The following CA12 variants were observed in gnomAD, a reference collection of about 807,000 sequenced individuals.
The protein encoded by CA12 is carbonic anhydrase 12.
Under a neutral mutation model 46.8 loss-of-function variants are expected in CA12, and 36 were observed. The observed-to-expected ratio is 0.77, with a 90% CI of 0.59 to 1.02. The LOEUF is 1.02. Among genes scored for constraint, CA12 ranks in the 50% least tolerant of loss-of-function variants. The pLI is 0.00. For missense variants in CA12, 436 were observed against 451.4 expected, an observed-to-expected ratio of 0.97 and a Z score of 0.31; for synonymous variants, 202 against 187.0, an observed-to-expected ratio of 1.08 and a Z score of -0.65.
chr15:63,345,379 G>T lies in CA12; in HGVS notation c.429+98C>A. The T allele has an allele frequency of 1.3e-6, 2 of 1,499,524 alleles. No homozygotes were observed. Among genetic ancestry groups the T allele is most frequent in the Non-Finnish European group, 1.8e-6 (2 of 1,100,008 alleles). The allele number at this position is 1,499,524 out of a possible 1,614,324, so 92.9% of individuals were successfully genotyped here. A position where few individuals can be genotyped will look rare whatever the true frequency, so the allele number is the denominator to read the frequency against. On this transcript the variant is annotated intron_variant, in intron 4 of 10. Coordinates refer to ENST00000178638, the MANE Select transcript of CA12 (RefSeq NM_001218.5). The surrounding 1 kb of genome is among the most constrained non-coding windows in gnomAD (Gnocchi z 4.3). The stretch of plus-strand genomic sequence containing the variant: ...GGGGCAGAGAGCCTGAAGGCAGCCT[G>T]TCCCATGCTCTGGTGTTATCTGCAC...
chr15:63,350,588 G>A (rs538993581), intron 2 of CA12, among the ~76,000 whole-genome samples: 1 of 152,198 alleles, frequency 6.6e-6, no homozygotes, highest in Non-Finnish European at 1.5e-5. Flanking sequence ...CTGTCTATGT[G>A]TTTTTCCTGC....
chr15:63,365,059 C>T (rs28442071), intron 2 of CA12, among the ~76,000 whole-genome samples: 7,028 of 152,282 alleles, frequency 0.046, 264 homozygotes, highest in African/African-American at 0.11. Context: ...GTGATCCTCC[C>T]ACCTCAGCCT....
In CA12 at chr15:63,372,667, T is replaced by C. The variant is rs1052735923; in HGVS notation, c.106+2991A>G. ...GGAAGCCGTTTCCCTCCAGCACTTA[T>C]GCTGGGCCCTCTGTCTACCTGTGCA... On this transcript the variant is annotated intron_variant, in intron 2 of 10. Coordinates refer to ENST00000178638, the MANE Select transcript of CA12 (RefSeq NM_001218.5). This position sits in a 1 kb window ranked among gnomAD's most constrained non-coding sequence, Gnocchi z 4.5. Among the ~76,000 whole-genome samples, 2 of 152,182 alleles carry C rather than the reference T, an allele frequency of 1.3e-5. No homozygotes were observed. Among genetic ancestry groups the C allele is most frequent in the Admixed American group, 6.5e-5 (1 of 15,280 alleles).
chr15:63,360,023 C>T (rs924082229), intron 2 of CA12, among the ~76,000 whole-genome samples: 3 of 152,254 alleles, frequency 2.0e-5, no homozygotes, highest in Admixed American at 2.0e-4. Flanking sequence ...TTTCCCCACT[C>T]ATCACCTGTC....
chr15:63,340,272 C>G lies in CA12; in HGVS notation c.747+16G>C, dbSNP rs372331206. On this transcript the variant is annotated intron_variant, in intron 7 of 10. Transcript: ENST00000178638. The surrounding 1 kb of genome is among the most constrained non-coding windows in gnomAD (Gnocchi z 4.4). ...GGTGCCGCGTGGACTCTGGCTGAGT[C>G]TGGCACGACAGTTACCTGCTCCTGG... 100 of 1,613,934 alleles carry G rather than the reference C, an allele frequency of 6.2e-5. 1 individual carries two copies. The highest frequency in any genetic ancestry group is 8.0e-5 in the Non-Finnish European group (94 of 1,180,016).
chr15:63,331,264 A>G lies in CA12; in HGVS notation c.875-3134T>C, dbSNP rs4984241. On this transcript the variant is annotated intron_variant, in intron 8 of 10. Coordinates refer to ENST00000178638, the MANE Select transcript of CA12 (RefSeq NM_001218.5). This position sits in a 1 kb window ranked among gnomAD's most constrained non-coding sequence, Gnocchi z 5.3. ...CTGTCAGGGCAACCAGAGAACTAGA[A>G]CCTGAGTGCGAAGCCAAAGCCTGTT... Among the ~76,000 whole-genome samples the G allele has an allele frequency of 0.53, 80,555 of 152,032 alleles. 22,211 individuals are homozygous for G. Among genetic ancestry groups the G allele is most frequent in the Non-Finnish European group, 0.62 (42,432 of 67,964 alleles).
rs1272969387 is a variant in CA12, at chr15:63,359,778, C to T, written c.107-13069G>A. 2.6e-5 allele frequency among the ~76,000 whole-genome samples: 4 copies of T among 152,092 alleles called. No homozygotes were observed. In the East Asian group the frequency reaches 7.7e-4, roughly 29 times the overall value. On this transcript the variant is annotated intron_variant, in intron 2 of 10. Transcript: ENST00000178638. The stretch of plus-strand genomic sequence containing the variant: ...GTATGAAGTTTGTTTTAAACTTGAC[C>T]GCCACTCTCCCAACTGGCACAGCCC...
At position 63,340,367 on chromosome 15, in the gene CA12, C is replaced by G; in HGVS notation, c.668G>C (p.Gly223Ala). The change falls in exon 7 of 11, where the codon GGG (glycine) becomes GCG (alanine). Residue 223 changes from glycine to alanine, a missense_variant. Gly to Ala is a moderately conservative substitution (Grantham distance 60, BLOSUM62 0). Transcript: ENST00000178638. This position sits in a 1 kb window ranked among gnomAD's most constrained non-coding sequence, Gnocchi z 4.4. ...ERTAEYYRYR[G>A]SLTTPPCNPT... The stretch of plus-strand genomic sequence containing the variant: ...GTTGCAAGGGGGTGTGGTCAGGGAC[C>G]CCCGGTAGCGGTAATATTCAGCGGT... 2 of 1,614,108 alleles carry G rather than the reference C, an allele frequency of 1.2e-6. No homozygotes were observed. The highest frequency in any genetic ancestry group is 1.6e-4 in the Middle Eastern group (1 of 6,062).
At chr15:63,351,596 C>T (rs1453404151) in intron 2 of CA12, among the ~76,000 whole-genome samples, 19 of 152,198 alleles carry the variant, frequency 1.2e-4, no homozygotes, top group Admixed American at 1.2e-3. Context: ...ACAGGCTATG[C>T]CAACCCACCT....
chr15:63,347,213 T>G (rs2152618687), intron 2 of CA12, among the ~76,000 whole-genome samples: 1 of 152,330 alleles, frequency 6.6e-6, no homozygotes, highest in East Asian at 1.9e-4. Flanking sequence ...AAGTATTATC[T>G]TGGTGCAAAA....
At chr15:63,356,601 C>A (rs1180638634) in intron 2 of CA12, among the ~76,000 whole-genome samples, 1 of 150,918 alleles carries the variant, frequency 6.6e-6, no homozygotes, top group Non-Finnish European at 1.5e-5. Flanking sequence ...TCGCTCACTG[C>A]AACCTCTGCC....
chr15:63,358,029 A>C (rs1477896295), intron 2 of CA12, among the ~76,000 whole-genome samples: 1 of 152,250 alleles, frequency 6.6e-6, no homozygotes, highest in Non-Finnish European at 1.5e-5. Flanking sequence ...ATGCCTTTTT[A>C]TGATGGCATA....
chr15:63,363,782 A>G (rs2152623934), intron 2 of CA12, among the ~76,000 whole-genome samples: 1 of 152,364 alleles, frequency 6.6e-6, no homozygotes, highest in Non-Finnish European at 1.5e-5. Flanking sequence ...AGGGCATAAC[A>G]AGTTTTCTGA....
At chr15:63,352,886 A>C (rs2039251462) in intron 2 of CA12, among the ~76,000 whole-genome samples, 1 of 152,226 alleles carries the variant, frequency 6.6e-6, no homozygotes, top group African/African-American at 2.4e-5. Flanking sequence ...ATACACATTT[A>C]ATAAGATGGA....
intron 8 of CA12, among the ~76,000 whole-genome samples, chr15:63,335,898 G>A (rs1357068444): frequency 6.6e-6 from 1 of 152,230 alleles, no homozygotes; most frequent in Admixed American, 6.5e-5. Flanking sequence ...GGCAGATGAG[G>A]TTTGGGCCTT....
intron 2 of CA12, among the ~76,000 whole-genome samples, chr15:63,350,590 T>G (rs968943478): frequency 6.6e-6 from 1 of 152,210 alleles, no homozygotes; most frequent in African/African-American, 2.4e-5. Flanking sequence ...GTCTATGTGT[T>G]TTTCCTGCTC....
chr15:63,339,476 T>G lies in CA12; in HGVS notation c.748-531A>C, dbSNP rs1274513215. On this transcript the variant is annotated intron_variant, in intron 7 of 10. Transcript: ENST00000178638. This position sits in a 1 kb window ranked among gnomAD's most constrained non-coding sequence, Gnocchi z 4.3. The stretch of plus-strand genomic sequence containing the variant: ...CAAGGCAGTTTCTGAGGTAGGATGT[T>G]GCTGCTTCCCCACATGTTTCATCCA... Among the ~76,000 whole-genome samples, 1 of 152,256 alleles carries G rather than the reference T, an allele frequency of 6.6e-6. No homozygotes were observed. The highest frequency in any genetic ancestry group is 6.5e-5 in the Admixed American group (1 of 15,290).
At chr15:63,333,110 C>A (rs1177352279) in intron 8 of CA12, among the ~76,000 whole-genome samples, 1 of 152,114 alleles carries the variant, frequency 6.6e-6, no homozygotes, top group Non-Finnish European at 1.5e-5. Context: ...AGAGTTGGGT[C>A]TTGAAAGAAT....
rs2039137594 is a variant in CA12 at position 63,345,650 on chromosome 15, C to T, written c.287-31G>A. The T allele has an allele frequency of 6.2e-7, 1 of 1,602,960 alleles. No homozygotes were observed. Among genetic ancestry groups the T allele is most frequent in the Non-Finnish European group, 8.5e-7 (1 of 1,177,800 alleles). ...GGGAGTGGAGGAGCAGCCTTCAGAG[C>T]CCCGGCCAGCTGTGCACTGCCAGAG... On this transcript the variant is annotated intron_variant, in intron 3 of 10. Transcript: ENST00000178638. The surrounding 1 kb of genome is among the most constrained non-coding windows in gnomAD (Gnocchi z 4.3).
Sources: gnomAD v4.1 joint callset for allele counts (sites outside exome capture counted in the v4.1 genomes callset) on GRCh38, gnomAD v4.1.1 for gene constraint, Gnocchi (gnomAD v3.1) non-coding constraint, MANE v1.5 for transcripts, NCBI Gene and HGNC (gene_info 2026-07-23, HGNC 2026-07-21) for gene names.